EHBP1: variants seen among roughly 807,000 people sequenced by gnomAD.
EHBP1 encodes EH domain-binding protein 1.
In EHBP1, 55 loss-of-function variants were observed where a neutral mutation model predicts 144.0. The observed-to-expected ratio is 0.38, with a 90% CI of 0.31 to 0.48. The LOEUF (loss-of-function observed/expected upper bound fraction) is 0.48. Among genes scored for constraint, EHBP1 ranks in the 20% least tolerant of loss-of-function variants. The pLI, the probability that EHBP1 is intolerant of heterozygous loss-of-function variation, is 0.98. For missense variants in EHBP1, 1,200 were observed against 1,364.2 expected (o/e 0.88, Z 1.90); for synonymous variants, 469 against 472.7 (o/e 0.99, Z 0.10).
At chr2:63,006,677 GTTAT>G (rs1228718623) in intron 19 of EHBP1, among the ~76,000 whole-genome samples, 1 of 151,706 alleles carries the variant, frequency 6.6e-6, no homozygotes, top group African/African-American at 2.4e-5. Flanking sequence ...AAAGATAAGT[GTTAT>G]TTATAATGTT....
At chr2:62,836,502 G>C (rs1400474752) in intron 7 of EHBP1, among the ~76,000 whole-genome samples, 5 of 144,050 alleles carry the variant, frequency 3.5e-5, no homozygotes, top group Non-Finnish European at 7.6e-5. Context: ...GAATGACTTT[G>C]ACGAGCTGAG....
At chr2:62,938,942 A>C (rs1191495810) in intron 10 of EHBP1, among the ~76,000 whole-genome samples, 1 of 152,172 alleles carries the variant, frequency 6.6e-6, no homozygotes, top group East Asian at 1.9e-4. Flanking sequence ...GGTAATAATA[A>C]TTGCAATTAA....
intron 5 of EHBP1, among the ~76,000 whole-genome samples, chr2:62,772,914 G>T (rs1161604774): frequency 6.6e-6 from 1 of 152,168 alleles, no homozygotes; most frequent in African/African-American, 2.4e-5. Flanking sequence ...GAGAAGTTTG[G>T]TAGTGAGATC....
chr2:62,807,508 A>G (rs887564660), intron 5 of EHBP1, among the ~76,000 whole-genome samples: 1 of 152,226 alleles, frequency 6.6e-6, no homozygotes, highest in Non-Finnish European at 1.5e-5. Flanking sequence ...AACTGGCACC[A>G]TTGCACTCCA....
chr2:62,743,458 A>G lies in EHBP1; in HGVS notation c.105-3937A>G, dbSNP rs186048102. 3.2e-4 allele frequency among the ~76,000 whole-genome samples: 48 copies of G among 152,150 alleles called. 2 individuals carry two copies. The East Asian group carries it at 9.1e-3, about 29-fold the overall frequency. On this transcript the variant is annotated intron_variant, in intron 2 of 22. Transcript: ENST00000431489. Reference sequence around the variant, plus strand: ...AGTTGGTTTAATGGTCTGTCTCCCCACTAGATTGTGAACTTCCAGTGGATC... The same window carrying G: ...AGTTGGTTTAATGGTCTGTCTCCCCGCTAGATTGTGAACTTCCAGTGGATC...
chr2:62,837,454 A>T (rs893167111), intron 7 of EHBP1, among the ~76,000 whole-genome samples: 1 of 151,948 alleles, frequency 6.6e-6, no homozygotes, highest in African/African-American at 2.4e-5. Context: ...TCACCAGCTA[A>T]CATCATAATG....
chr2:62,837,364 G>A (rs1269040933), intron 7 of EHBP1, among the ~76,000 whole-genome samples: 16 of 146,622 alleles, frequency 1.1e-4, no homozygotes, highest in African/African-American at 3.0e-4. Context: ...AGGAACAACC[G>A]GTACCAGCCG....
intron 2 of EHBP1, 54 bp from the exon 3 acceptor site, chr2:62,747,341 T>C: frequency 2.6e-6 from 4 of 1,553,408 alleles, no homozygotes; most frequent in Non-Finnish European, 2.6e-6. Context: ...GGCGCTAAAA[T>C]GAAACTTTAT....
intron 10 of EHBP1, among the ~76,000 whole-genome samples, chr2:62,895,546 A>T (rs1327928390): frequency 6.6e-6 from 1 of 152,108 alleles, no homozygotes; most frequent in Non-Finnish European, 1.5e-5. Flanking sequence ...ACTGGAGCTC[A>T]CTCTGTTGGT....
intron 2 of EHBP1, among the ~76,000 whole-genome samples, chr2:62,727,844 C>G (rs1277198170): frequency 1.3e-5 from 2 of 152,274 alleles, no homozygotes; most frequent in African/African-American, 4.8e-5. Flanking sequence ...ATATCCCAGA[C>G]AAGGCTGTTA....
intron 2 of EHBP1, among the ~76,000 whole-genome samples, chr2:62,734,214 T>C (rs538117219): frequency 5.9e-5 from 9 of 152,078 alleles, no homozygotes; most frequent in Non-Finnish European, 1.3e-4. Flanking sequence ...TTTTTGAATA[T>C]AGTTTATCAA....
At chr2:63,003,686 G>T (rs77922397) in intron 19 of EHBP1, among the ~76,000 whole-genome samples, 4,699 of 152,074 alleles carry the variant, frequency 0.031, 126 homozygotes, top group Non-Finnish European at 0.045. Flanking sequence ...CTTAATTACT[G>T]CATTGCCCTG....
At chr2:62,986,279 G>T (rs889979800) in intron 15 of EHBP1, among the ~76,000 whole-genome samples, 27 of 152,258 alleles carry the variant, frequency 1.8e-4, no homozygotes, top group Admixed American at 1.6e-3. Flanking sequence ...GATAAGCTGA[G>T]CATAGTTGAT....
intron 19 of EHBP1, among the ~76,000 whole-genome samples, chr2:63,005,529 A>T (rs966299933): frequency 9.9e-5 from 15 of 152,124 alleles, no homozygotes; most frequent in African/African-American, 3.6e-4. Flanking sequence ...CAATTTTTGA[A>T]TAGTGAATAG....
intron 1 of EHBP1, among the ~76,000 whole-genome samples, chr2:62,681,267 C>T: frequency 6.9e-6 from 1 of 145,854 alleles, no homozygotes; most frequent in African/African-American, 2.5e-5. Context: ...GATCATGCCA[C>T]TGCACTCCAG....
chr2:62,923,225 A>G (rs56004216), intron 10 of EHBP1, among the ~76,000 whole-genome samples: 2,553 of 152,312 alleles, frequency 0.017, 65 homozygotes, highest in African/African-American at 0.057. Flanking sequence ...AAGATTGGCT[A>G]TGACATTGGT....
At chr2:62,820,451 T>TA (rs1273367654) in intron 5 of EHBP1, among the ~76,000 whole-genome samples, 2 of 151,604 alleles carry the variant, frequency 1.3e-5, no homozygotes, top group African/African-American at 2.4e-5. Context: ...TAACCATCAC[T>TA]ACTGTCCATT....
chr2:62,729,579 AT>A (rs2037286524), intron 2 of EHBP1, among the ~76,000 whole-genome samples: 1 of 128,314 alleles, frequency 7.8e-6, no homozygotes, highest in African/African-American at 3.0e-5. Context: ...TAATAAATAA[AT>A]ATAATAATAA....
At chr2:62,917,068 C>G (rs57127049) in intron 10 of EHBP1, among the ~76,000 whole-genome samples, 5,366 of 152,152 alleles carry the variant, frequency 0.035, 339 homozygotes, top group African/African-American at 0.12. Flanking sequence ...CACATTTACA[C>G]AAAGCTAGAT....
Sources: gnomAD v4.1 joint callset for allele counts (sites outside exome capture counted in the v4.1 genomes callset) on GRCh38, gnomAD v4.1.1 for gene constraint, MANE v1.5 for transcripts, NCBI Gene and HGNC (gene_info 2026-07-23, HGNC 2026-07-21) for gene names.